ULK4: variants seen among roughly 807,000 people sequenced by gnomAD.
The protein encoded by ULK4 is inactive serine/threonine-protein kinase ULK4.
Under a neutral mutation model 160.6 loss-of-function variants are expected in ULK4, and 133 were observed. The observed-to-expected ratio is 0.83, with a 90% CI of 0.72 to 0.96. The LOEUF is 0.96. Among genes scored for constraint, ULK4 ranks in the 40% least tolerant of loss-of-function variants. ULK4 has a pLI of 0.00. For synonymous variants in ULK4, 534 were observed against 539.8 expected, an observed-to-expected ratio of 0.99 and a Z score of 0.15; for missense variants, 1,580 against 1,499.5, an observed-to-expected ratio of 1.05 and a Z score of -0.89.
intron 17 of ULK4, among the ~76,000 whole-genome samples, chr3:41,852,031 G>A (rs1259121247): frequency 6.6e-6 from 1 of 151,856 alleles, no homozygotes; most frequent in East Asian, 1.9e-4. Flanking sequence ...TCAAATAAAC[G>A]CAATAAAAAA....
chr3:41,757,352 G>C (rs2038836987), intron 21 of ULK4, among the ~76,000 whole-genome samples: 1 of 151,994 alleles, frequency 6.6e-6, no homozygotes, highest in African/African-American at 2.4e-5. Context: ...ACTCTTTTTG[G>C]CCAGGCACAG....
intron 35 of ULK4, among the ~76,000 whole-genome samples, chr3:41,390,310 A>T (rs556363159): frequency 1.8e-4 from 27 of 152,072 alleles, no homozygotes; most frequent in Non-Finnish European, 3.7e-4. Flanking sequence ...GATCTTTTCA[A>T]AAACTAGCTC....
At chr3:41,312,030 G>A (rs2080060922) in intron 35 of ULK4, among the ~76,000 whole-genome samples, 1 of 148,194 alleles carries the variant, frequency 6.7e-6, no homozygotes, top group Admixed American at 6.7e-5. Context: ...CTGAAGTGCA[G>A]TGGCATGATT....
intron 35 of ULK4, among the ~76,000 whole-genome samples, chr3:41,289,016 G>A (rs1435916161): frequency 6.6e-6 from 1 of 152,212 alleles, no homozygotes; most frequent in Admixed American, 6.5e-5. Flanking sequence ...GGGTGTGGAA[G>A]AGCTCTCTGT....
chr3:41,468,732 T>C (rs779376251), intron 32 of ULK4, among the ~76,000 whole-genome samples: 7 of 152,188 alleles, frequency 4.6e-5, no homozygotes, highest in Non-Finnish European at 7.3e-5. Context: ...AAAGAGAGGA[T>C]TCTCCAGGAA....
intron 32 of ULK4, among the ~76,000 whole-genome samples, chr3:41,476,205 A>T (rs1025053780): frequency 6.6e-6 from 1 of 152,164 alleles, no homozygotes; most frequent in Admixed American, 6.5e-5. Flanking sequence ...CACCTTACCT[A>T]GTGGGAATTG....
intron 35 of ULK4, among the ~76,000 whole-genome samples, chr3:41,371,624 C>T (rs1300021012): frequency 6.6e-6 from 1 of 152,134 alleles, no homozygotes; most frequent in African/African-American, 2.4e-5. Context: ...GACAACCACG[C>T]AGACACTCCA....
At chr3:41,769,522 G>T (rs779095636) in intron 21 of ULK4, among the ~76,000 whole-genome samples, 12 of 152,176 alleles carry the variant, frequency 7.9e-5, no homozygotes, top group Non-Finnish European at 1.5e-4. Context: ...TTACTGTGCA[G>T]AAAAAGAGCA....
intron 34 of ULK4, among the ~76,000 whole-genome samples, chr3:41,411,567 A>G (rs1323442230): frequency 6.6e-6 from 1 of 151,956 alleles, no homozygotes; most frequent in African/African-American, 2.4e-5. Context: ...AGCTGGGACT[A>G]CAGGGATTAC....
rs952803377 is a variant in ULK4, at chr3:41,961,594, G to A, written c.-49+422C>T. ...CCGCTCCCCAGGCAACTCGCGGCGG[G>A]CGAATCGGCGGCTTTCGCGGCCTCG... On this transcript the variant is annotated intron_variant, in intron 1 of 36. Transcript: ENST00000301831. Among the ~76,000 whole-genome samples, 30 of 140,398 alleles carry A rather than the reference G, an allele frequency of 2.1e-4. No homozygotes were observed. The East Asian group carries it at 6.1e-3, about 29-fold the overall frequency. 92.1% of individuals were successfully genotyped at this position (140,398 alleles called of 152,430 possible).
intron 35 of ULK4, among the ~76,000 whole-genome samples, chr3:41,266,113 G>A (rs1415849059): frequency 2.0e-5 from 3 of 152,182 alleles, no homozygotes; most frequent in Non-Finnish European, 1.5e-5. Context: ...CAAAGAGCCC[G>A]GATATTCCTC....
chr3:41,384,990 G>C (rs530281365), intron 35 of ULK4, among the ~76,000 whole-genome samples: 3 of 152,096 alleles, frequency 2.0e-5, no homozygotes, highest in Non-Finnish European at 4.4e-5. Flanking sequence ...CTGAGGTCAA[G>C]GCTGCAGTCC....
chr3:41,627,989 C>T (rs1433869271), intron 30 of ULK4, among the ~76,000 whole-genome samples: 1 of 152,094 alleles, frequency 6.6e-6, no homozygotes, highest in African/African-American at 2.4e-5. Flanking sequence ...CTAAGAAATG[C>T]TAAGAAGTTT....
In ULK4 at chr3:41,376,614, C is replaced by G. The variant is rs564654548; in HGVS notation, c.3678+21465G>C. Among the ~76,000 whole-genome samples the G allele has an allele frequency of 8.0e-4, 117 of 146,870 alleles. 11 individuals carry two copies. Among genetic ancestry groups the G allele is most frequent in the African/African-American group, 3.0e-3 (114 of 38,564 alleles). On this transcript the variant is annotated intron_variant, in intron 35 of 36. Coordinates refer to ENST00000301831, the MANE Select transcript of ULK4 (RefSeq NM_017886.4). ...CAGAGAGCCAAATCATGAGTGAACT[C>G]CCATTCACAATTGCTTCAAAGAGAA... is the stretch of plus-strand genomic sequence containing the variant.
chr3:41,676,144 A>G (rs1039854713), intron 29 of ULK4, among the ~76,000 whole-genome samples: 1 of 152,324 alleles, frequency 6.6e-6, no homozygotes, highest in African/African-American at 2.4e-5. Context: ...ATGGGCATTG[A>G]TATAAGCCAC....
chr3:41,772,497 A>G (rs529431915), intron 21 of ULK4, among the ~76,000 whole-genome samples: 4 of 152,318 alleles, frequency 2.6e-5, no homozygotes, highest in African/African-American at 9.6e-5. Flanking sequence ...CTCGACACAT[A>G]CACCCTCCCA....
intron 32 of ULK4, among the ~76,000 whole-genome samples, chr3:41,559,726 TA>T (rs2087487692): frequency 1.3e-5 from 2 of 152,152 alleles, no homozygotes; most frequent in Non-Finnish European, 2.9e-5. Context: ...TGGAGTTGTT[TA>T]TTTTCTTGTA....
intron 22 of ULK4, among the ~76,000 whole-genome samples, chr3:41,750,488 C>T (rs2038583299): frequency 6.6e-6 from 1 of 152,094 alleles, no homozygotes; most frequent in South Asian, 2.1e-4. Flanking sequence ...CTTACTGTTT[C>T]CTCTCAAGTT....
chr3:41,690,018 A>AT (rs2036234402), intron 27 of ULK4, among the ~76,000 whole-genome samples: 1 of 148,766 alleles, frequency 6.7e-6, no homozygotes, highest in Non-Finnish European at 1.5e-5. Context: ...ACTATTCACA[A>AT]TAGCAAAGAC....
Sources: allele counts gnomAD v4.1 joint callset (sites outside exome capture counted in the v4.1 genomes callset), GRCh38; gene constraint gnomAD v4.1.1; transcripts MANE v1.5; gene names NCBI Gene and HGNC (gene_info 2026-07-23, HGNC 2026-07-21).